The following SPIRE1 variants were observed in gnomAD, a reference collection of about 807,000 sequenced individuals.
SPIRE1 encodes the protein spire type actin nucleation factor 1.
In SPIRE1, 40 loss-of-function variants were observed where a neutral mutation model predicts 94.1. The ratio of observed to expected loss-of-function variants is 0.43; its 90% CI spans 0.33 to 0.55. SPIRE1 has a LOEUF of 0.55. Among genes scored for constraint, SPIRE1 ranks in the 20% least tolerant of loss-of-function variants. The probability of loss-of-function intolerance (pLI) is 0.06; values close to 1 mark genes in which losing one functional copy is unlikely to be tolerated. For missense variants in SPIRE1, 838 were observed against 975.2 expected (o/e 0.86, Z 1.87); for synonymous variants, 376 against 371.7 (o/e 1.01, Z -0.13).
intron 2 of SPIRE1, among the ~76,000 whole-genome samples, chr18:12,593,871 G>A (rs2036598304): frequency 6.6e-6 from 1 of 151,998 alleles, no homozygotes; most frequent in Admixed American, 6.6e-5. Flanking sequence ...AGAATCGCTT[G>A]AACCCGGGAG....
In SPIRE1 at chr18:12,544,634, C is replaced by T. The variant is rs142748673; in HGVS notation, c.603+2040G>A. ...TGGTGGGATTACAGGTGTGAGCCAC[C>T]ATGCCCAGCCAAAAACCTGTCCTCG... On this transcript the variant is annotated intron_variant, in intron 3 of 16. Transcript: ENST00000409402. Among the ~76,000 whole-genome samples the T allele has an allele frequency of 6.7e-3, 1,016 of 152,202 alleles. 3 individuals are homozygous for T. The highest frequency in any genetic ancestry group is 0.011 in the Non-Finnish European group (774 of 68,000).
intron 4 of SPIRE1, among the ~76,000 whole-genome samples, chr18:12,520,961 C>A (rs925672804): frequency 5.3e-5 from 8 of 152,118 alleles, no homozygotes; most frequent in African/African-American, 1.9e-4. Flanking sequence ...AGTTAACATG[C>A]AATTGGCCCT....
intron 1 of SPIRE1, among the ~76,000 whole-genome samples, chr18:12,648,558 T>C (rs2038287732): frequency 6.6e-6 from 1 of 151,892 alleles, no homozygotes; most frequent in African/African-American, 2.4e-5. Flanking sequence ...GATGACTAAA[T>C]GCAATATGGT....
chr18:12,621,439 T>G lies in SPIRE1; in HGVS notation c.372+13623A>C, dbSNP rs897363186. On this transcript the variant is annotated intron_variant, in intron 2 of 16. Transcript: ENST00000409402. ...TGTACATGAAAGTTTATAGCACCAT[T>G]ACTCATAACAGCCAAAGGGTAGAAA... Among the ~76,000 whole-genome samples the G allele has an allele frequency of 2.6e-5, 4 of 152,188 alleles. No individual in the cohort carries two copies. The South Asian group carries it at 6.2e-4, about 24-fold the overall frequency.
At chr18:12,502,742 A>T (rs549734809) in intron 6 of SPIRE1, among the ~76,000 whole-genome samples, 11 of 152,316 alleles carry the variant, frequency 7.2e-5, no homozygotes, top group African/African-American at 2.4e-4. Flanking sequence ...TAAAACAATG[A>T]AAACTGGAAA....
At chr18:12,463,708 A>C (rs972594679) in intron 11 of SPIRE1, among the ~76,000 whole-genome samples, 2 of 152,234 alleles carry the variant, frequency 1.3e-5, no homozygotes, top group African/African-American at 4.8e-5. Flanking sequence ...GCAAGAAAAA[A>C]GGAAAAATGT....
chr18:12,623,391 G>C (rs1455749599), intron 2 of SPIRE1, among the ~76,000 whole-genome samples: 1 of 152,104 alleles, frequency 6.6e-6, no homozygotes, highest in Non-Finnish European at 1.5e-5. Context: ...CTGACCTCGT[G>C]ATCTGCCCGC....
chr18:12,481,288 C>T (rs895348443), intron 9 of SPIRE1, among the ~76,000 whole-genome samples: 9 of 132,826 alleles, frequency 6.8e-5, no homozygotes, highest in African/African-American at 5.5e-5. Context: ...CCCCGCCCCC[C>T]GCAAGAATGT....
intron 16 of SPIRE1, among the ~76,000 whole-genome samples, chr18:12,451,289 T>C (rs910091789): frequency 1.1e-4 from 17 of 151,948 alleles, no homozygotes; most frequent in African/African-American, 3.9e-4. Context: ...CAAACAAGCT[T>C]CTCCCTCCCC....
chr18:12,504,721 GGGA>G (rs2033774686), intron 6 of SPIRE1, among the ~76,000 whole-genome samples: 1 of 152,250 alleles, frequency 6.6e-6, no homozygotes, highest in East Asian at 1.9e-4. Context: ...GTCTTTGTAA[GGGA>G]GACAGACAAT....
At chr18:12,452,625 C>T in intron 14 of SPIRE1, 113 bp from the exon 15 acceptor site, 1 of 1,040,170 alleles carries the variant, frequency 9.6e-7, no homozygotes, top group South Asian at 1.3e-5. Flanking sequence ...GCATAACTCT[C>T]CCTTCTTCTA....
intron 2 of SPIRE1, among the ~76,000 whole-genome samples, chr18:12,577,305 G>A (rs1188700697): frequency 4.0e-5 from 6 of 151,802 alleles, no homozygotes; most frequent in South Asian, 2.1e-4. Context: ...CCGCCACCAC[G>A]CCCAGCTAAT....
intron 1 of SPIRE1, among the ~76,000 whole-genome samples, chr18:12,648,760 G>T (rs139027949): frequency 0.013 from 1,911 of 151,864 alleles, 43 homozygotes; most frequent in African/African-American, 0.044. Flanking sequence ...GTGGTGGCAG[G>T]TGCCTGTAAA....
At chr18:12,567,063 A>G (rs2144434735) in intron 2 of SPIRE1, among the ~76,000 whole-genome samples, 1 of 152,348 alleles carries the variant, frequency 6.6e-6, no homozygotes, top group African/African-American at 2.4e-5. Flanking sequence ...TGATCATCTA[A>G]GTAGAAAATA....
At chr18:12,654,376 G>C (rs931949897) in intron 1 of SPIRE1, among the ~76,000 whole-genome samples, 1 of 149,336 alleles carries the variant, frequency 6.7e-6, no homozygotes, top group African/African-American at 2.5e-5. Flanking sequence ...GCTGGGCACG[G>C]TGGCTCACGC....
chr18:12,556,409 T>C (rs753919199), intron 2 of SPIRE1, among the ~76,000 whole-genome samples: 8 of 152,170 alleles, frequency 5.3e-5, no homozygotes, highest in Non-Finnish European at 1.0e-4. Flanking sequence ...TAAATAATAC[T>C]ACAAATATAC....
chr18:12,606,422 A>C (rs544299078), intron 2 of SPIRE1, among the ~76,000 whole-genome samples: 18 of 152,316 alleles, frequency 1.2e-4, no homozygotes, highest in South Asian at 4.1e-4. Flanking sequence ...AAAAAGGAAA[A>C]GGAGAAGGTG....
intron 8 of SPIRE1, among the ~76,000 whole-genome samples, chr18:12,491,128 T>C (rs2033218136): frequency 6.6e-6 from 1 of 151,428 alleles, no homozygotes; most frequent in African/African-American, 2.4e-5. Context: ...AATAAGGAGG[T>C]AAAAGACTTA....
chr18:12,584,466 G>C (rs1237602738), intron 2 of SPIRE1, among the ~76,000 whole-genome samples: 1 of 151,756 alleles, frequency 6.6e-6, no homozygotes, highest in East Asian at 1.9e-4. Context: ...AAGAAAAACA[G>C]TATTTAAAAG....
Sources: allele counts gnomAD v4.1 joint callset (sites outside exome capture counted in the v4.1 genomes callset), GRCh38; gene constraint gnomAD v4.1.1; transcripts MANE v1.5; gene names NCBI Gene and HGNC (gene_info 2026-07-23, HGNC 2026-07-21).